UNC13C: variants seen among roughly 807,000 people sequenced by gnomAD.
The protein encoded by UNC13C is unc-13 homolog C.
UNC13C carries 174 observed loss-of-function variants against 245.4 expected under a neutral mutation model. The observed-to-expected ratio is 0.71, with a 90% confidence interval of 0.63 to 0.80. The LOEUF (loss-of-function observed/expected upper bound fraction) is 0.80, where lower values mean the gene tolerates loss of function less well. Among genes scored for constraint, UNC13C ranks in the 30% least tolerant of loss-of-function variants. The pLI is 0.00. For synonymous variants in UNC13C, 992 were observed against 895.1 expected (o/e 1.11, Z -1.93); for missense variants, 2,829 against 2,602.9 (o/e 1.09, Z -1.89).
the UNC13C span, among the ~76,000 whole-genome samples, chr15:53,960,039 A>T: frequency 6.6e-6 from 1 of 152,186 alleles, no homozygotes. Context: ...TAAAAATAAC[A>T]GTGAGATCAC....
At chr15:54,575,153 A>C (rs959502517) in intron 30 of UNC13C, among the ~76,000 whole-genome samples, 6 of 152,114 alleles carry the variant, frequency 3.9e-5, no homozygotes, top group Non-Finnish European at 8.8e-5. Flanking sequence ...CTCCTGCCTG[A>C]GCCTCCTGAA....
chr15:54,491,198 T>A (rs1189083997), intron 19 of UNC13C, among the ~76,000 whole-genome samples: 2 of 152,144 alleles, frequency 1.3e-5, no homozygotes, highest in Non-Finnish European at 2.9e-5. Context: ...CATGTACAAA[T>A]GCTCTTGGAA....
chr15:54,312,526 A>G (rs1320908833), intron 13 of UNC13C, among the ~76,000 whole-genome samples: 1 of 151,878 alleles, frequency 6.6e-6, no homozygotes, highest in African/African-American at 2.4e-5. Flanking sequence ...AGAGCATAAA[A>G]GATTCTACAT....
intron 30 of UNC13C, among the ~76,000 whole-genome samples, chr15:54,619,528 T>A (rs12101884): frequency 0.14 from 21,123 of 152,218 alleles, 1,519 homozygotes; most frequent in Middle Eastern, 0.23. Context: ...ACAGTGACCA[T>A]TCACCTGCTT....
intron 14 of UNC13C, among the ~76,000 whole-genome samples, chr15:54,323,269 G>C (rs1010733950): frequency 6.6e-6 from 1 of 152,012 alleles, no homozygotes; most frequent in Non-Finnish European, 1.5e-5. Context: ...CTCTGAAAGA[G>C]AAATGCATGC....
chr15:53,990,721 A>G (rs1000081589), intron 1 of UNC13C, among the ~76,000 whole-genome samples: 2 of 151,990 alleles, frequency 1.3e-5, no homozygotes, highest in African/African-American at 4.8e-5. Flanking sequence ...AAATTGGACC[A>G]GGGTTATGAA....
the UNC13C span, among the ~76,000 whole-genome samples, chr15:53,942,850 A>G: frequency 6.6e-6 from 1 of 152,182 alleles, no homozygotes; most frequent in Non-Finnish European, 1.5e-5. Context: ...TTTAGTAGAC[A>G]CGGGGTTTCG....
intron 4 of UNC13C, among the ~76,000 whole-genome samples, chr15:54,227,597 C>A (rs2062252177): frequency 6.6e-6 from 1 of 152,160 alleles, no homozygotes; most frequent in Admixed American, 6.5e-5. Flanking sequence ...GCACACACAC[C>A]AGCCAAGTCA....
chr15:54,041,289 T>G (rs1362576197), intron 2 of UNC13C, among the ~76,000 whole-genome samples: 1 of 152,218 alleles, frequency 6.6e-6, no homozygotes, highest in East Asian at 1.9e-4. Context: ...TTTCATTGTC[T>G]CTACAAATTA....
chr15:54,491,296 T>C (rs1893691312), intron 19 of UNC13C, among the ~76,000 whole-genome samples: 1 of 152,132 alleles, frequency 6.6e-6, no homozygotes, highest in Non-Finnish European at 1.5e-5. Context: ...CCTAAATAGT[T>C]ATAATTTATA....
Position 54,426,325 on chromosome 15 carries a change from C to T in UNC13C, c.4933+11258C>T, listed in dbSNP as rs186497508. 2.6e-3 allele frequency among the ~76,000 whole-genome samples: 376 copies of T among 147,430 alleles called. 2 individuals carry two copies. The highest frequency in any genetic ancestry group is 8.9e-3 in the African/African-American group (356 of 39,838). Reference sequence around the variant, plus strand: ...TGAAGGTTCTGCTTCCATATTATCTCGTATGGTTGTTGACAGAGTTCAGTT... The same window carrying T: ...TGAAGGTTCTGCTTCCATATTATCTTGTATGGTTGTTGACAGAGTTCAGTT... On this transcript the variant is annotated intron_variant, in intron 19 of 32. Coordinates refer to ENST00000260323, the MANE Select transcript of UNC13C (RefSeq NM_001080534.3).
rs778064943 is a variant in UNC13C at position 54,015,201 on chromosome 15, G to A, written c.2298G>A (p.Leu766=). The A allele has an allele frequency of 1.9e-6, 3 of 1,612,944 alleles. No individual in the cohort carries two copies. In the African/African-American group the frequency reaches 4.0e-5, roughly 22 times the overall value. ...LSMMYRSQSE[L]QSDDSEDAPP... ...TGATGTATCGAAGTCAAAGTGAATT[G>A]CAAAGTGATGATTCAGAGGATGCCC... The change falls in exon 2 of 33, where the codon TTG becomes TTA. Residue 766 remains leucine (L), a synonymous_variant. Coordinates refer to ENST00000260323, the MANE Select transcript of UNC13C (RefSeq NM_001080534.3).
chr15:54,169,790 C>T (rs1232669408), intron 4 of UNC13C, among the ~76,000 whole-genome samples: 1 of 152,164 alleles, frequency 6.6e-6, no homozygotes, highest in Non-Finnish European at 1.5e-5. Context: ...AGGGGACCTT[C>T]TTCCAAGAAA....
In UNC13C at chr15:54,294,114, A is replaced by G. The variant is rs535092210; in HGVS notation, c.3988+50A>G. 6.9e-6 allele frequency: 10 copies of G among 1,439,206 alleles called. No individual in the cohort carries two copies. The African/African-American group carries it at 1.3e-4, about 19-fold the overall frequency. The allele number at this position is 1,439,206 out of a possible 1,614,324, so 89.2% of individuals were successfully genotyped here. ...AAAACGAGTTAAATAAAACCCCTGA[A>G]TACCTGTGGCATGTATTACATTCCC... On this transcript the variant is annotated intron_variant, in intron 11 of 32. Coordinates refer to ENST00000260323, the MANE Select transcript of UNC13C (RefSeq NM_001080534.3).
intron 24 of UNC13C, among the ~76,000 whole-genome samples, chr15:54,520,354 A>C (rs555161542): frequency 6.6e-5 from 10 of 152,284 alleles, no homozygotes; most frequent in African/African-American, 2.4e-4. Context: ...ATAAGAAGAT[A>C]AATAAATTAA....
At chr15:54,622,444 A>AAAAC in intron 31 of UNC13C, 25 bp downstream of exon 31, 1 of 1,548,614 alleles carries the variant, frequency 6.5e-7, no homozygotes, top group Non-Finnish European at 8.9e-7. Flanking sequence ...TAGATAAATC[A>AAAAC]AAACAGCCTT....
intron 4 of UNC13C, among the ~76,000 whole-genome samples, chr15:54,198,402 A>G (rs1009195346): frequency 6.6e-6 from 1 of 152,104 alleles, no homozygotes. Context: ...AGGCCAATCA[A>G]TACAAAACCA....
intron 30 of UNC13C, among the ~76,000 whole-genome samples, chr15:54,578,223 G>T (rs1367229910): frequency 6.6e-6 from 1 of 152,142 alleles, no homozygotes; most frequent in Admixed American, 6.5e-5. Flanking sequence ...GATGCTGTGG[G>T]GAAATTATCA....
chr15:54,307,933 T>G (rs1456699741), intron 13 of UNC13C, among the ~76,000 whole-genome samples: 1 of 151,886 alleles, frequency 6.6e-6, no homozygotes, highest in African/African-American at 2.4e-5. Flanking sequence ...GAGCTGAATT[T>G]GGGGGAGCAA....
Sources: gnomAD v4.1 joint callset for allele counts (sites outside exome capture counted in the v4.1 genomes callset) on GRCh38, gnomAD v4.1.1 for gene constraint, MANE v1.5 for transcripts, NCBI Gene and HGNC (gene_info 2026-07-23, HGNC 2026-07-21) for gene names.